The following CACNA1C variants were observed in gnomAD, a reference collection of about 807,000 sequenced individuals.
CACNA1C encodes the protein calcium voltage-gated channel subunit alpha1 C.
CACNA1C carries 30 observed loss-of-function variants against 229.0 expected under a neutral mutation model. That is an observed-to-expected ratio of 0.13 (90% CI 0.10 to 0.18). The LOEUF (loss-of-function observed/expected upper bound fraction) is 0.18. CACNA1C is among the 10% of genes least tolerant of loss of function. The pLI, the probability that CACNA1C is intolerant of heterozygous loss-of-function variation, is 1.00. For synonymous variants in CACNA1C, 1,114 were observed against 1,132.5 expected (o/e 0.98, Z 0.33); for missense variants, 1,658 against 2,845.0 (o/e 0.58, Z 9.49).
chr12:2,084,554 G>A (rs181431076), intron 1 of CACNA1C, among the ~76,000 whole-genome samples: 306 of 151,976 alleles, frequency 2.0e-3, no homozygotes, highest in African/African-American at 7.3e-3. Flanking sequence ...TCTCCCTCTT[G>A]CCCCACCTCT....
chr12:1,993,472 T>A (rs897303913), intron 1 of CACNA1C: 195 of 1,526,154 alleles, frequency 1.3e-4, no homozygotes, highest in Non-Finnish European at 1.7e-4. Context: ...TACATTCTGA[T>A]GTGTCTCTCA....
At chr12:2,018,461 ACTAGTACAAGCTGGCTC>A (rs1412024714) in intron 1 of CACNA1C, among the ~76,000 whole-genome samples, 2 of 152,084 alleles carry the variant, frequency 1.3e-5, no homozygotes, top group African/African-American at 4.8e-5. Context: ...TCTCTCACAA[ACTAGTACAAGCTGGCTC>A]CAGTACACCA....
At chr12:2,648,152 A>C (rs942226363) in intron 30 of CACNA1C, among the ~76,000 whole-genome samples, 2 of 152,026 alleles carry the variant, frequency 1.3e-5, no homozygotes. Context: ...AACCAAACCA[A>C]ACAAAAAAAT....
At chr12:2,161,295 CG>C (rs1260067893) in intron 3 of CACNA1C, among the ~76,000 whole-genome samples, 1 of 151,680 alleles carries the variant, frequency 6.6e-6, no homozygotes, top group Non-Finnish European at 1.5e-5. Flanking sequence ...AGGGGAGAGA[CG>C]GGGGCACTGC....
intron 3 of CACNA1C, among the ~76,000 whole-genome samples, chr12:2,352,486 C>T (rs2097231243): frequency 6.6e-6 from 1 of 152,220 alleles, no homozygotes; most frequent in Non-Finnish European, 1.5e-5. Flanking sequence ...CAGGTGAATT[C>T]TGTGTCGCTG....
In CACNA1C at chr12:2,653,912, C is replaced by T. The variant is rs771443449; in HGVS notation, c.4140+12C>T. The T allele has an allele frequency of 1.9e-6, 3 of 1,612,156 alleles. No individual in the cohort carries two copies. Among genetic ancestry groups the T allele is most frequent in the African/African-American group, 2.7e-5 (2 of 74,858 alleles). On this transcript the variant is annotated intron_variant, in intron 33 of 46. Coordinates refer to ENST00000399655, the MANE Select transcript of CACNA1C (RefSeq NM_000719.7). The surrounding 1 kb of genome is among the most constrained non-coding windows in gnomAD (Gnocchi z 4.7). ...TGATCGGGATGCAGGTAGGGAGGCT[C>T]CCACCACGGGGCTCCTGGCCTCCCG...
intron 3 of CACNA1C, among the ~76,000 whole-genome samples, chr12:2,126,087 T>C (rs1429592707): frequency 6.6e-6 from 1 of 152,260 alleles, no homozygotes; most frequent in African/African-American, 2.4e-5. Flanking sequence ...TGCTTTCTTC[T>C]GTTTCCAAGA....
intron 5 of CACNA1C, among the ~76,000 whole-genome samples, chr12:2,469,576 A>C (rs989222467): frequency 6.6e-5 from 10 of 152,188 alleles, no homozygotes; most frequent in African/African-American, 1.9e-4. Flanking sequence ...TTCCAGTTCT[A>C]AGCTGGGATA....
At chr12:2,462,910 A>ATT (rs147569410) in intron 5 of CACNA1C, among the ~76,000 whole-genome samples, 1,466 of 120,950 alleles carry the variant, frequency 0.012, 48 homozygotes, top group African/African-American at 0.037. Flanking sequence ...CAAAAGTTGC[A>ATT]TTTTTTTTTT....
At chr12:2,510,568 A>T (rs986905720) in intron 8 of CACNA1C, among the ~76,000 whole-genome samples, 1 of 152,156 alleles carries the variant, frequency 6.6e-6, no homozygotes, top group Non-Finnish European at 1.5e-5. Context: ...GCTTCATTCC[A>T]TGGGACTGTT....
chr12:2,330,416 T>C (rs59305886), intron 3 of CACNA1C, among the ~76,000 whole-genome samples: 18,071 of 152,248 alleles, frequency 0.12, 2,872 homozygotes, highest in African/African-American at 0.36. Flanking sequence ...TAAGATTTAT[T>C]GAGTTCCTCC....
At chr12:2,424,143 C>T (rs1322433014) in intron 3 of CACNA1C, among the ~76,000 whole-genome samples, 1 of 152,258 alleles carries the variant, frequency 6.6e-6, no homozygotes, top group Non-Finnish European at 1.5e-5. Flanking sequence ...GCGCCACAAG[C>T]TGAGGCTAAC....
At chr12:2,641,033 C>A (rs1255121752) in intron 30 of CACNA1C, among the ~76,000 whole-genome samples, 2 of 152,212 alleles carry the variant, frequency 1.3e-5, no homozygotes, top group Middle Eastern at 3.2e-3. Context: ...TGCCCCCTGC[C>A]ATGGCAGAGA....
Position 2,493,424 on chromosome 12 carries a change from C to T in CACNA1C, c.1113+38C>T, listed in dbSNP as rs370338189. On this transcript the variant is annotated intron_variant, in intron 7 of 46. Coordinates refer to ENST00000399655, the MANE Select transcript of CACNA1C (RefSeq NM_000719.7). This position sits in a 1 kb window ranked among gnomAD's most constrained non-coding sequence, Gnocchi z 4.6. ...AGTGGGCAGTCAGAGGGTGGGGGAACAGCGGCCGTGAACCCTTCCCTGACA... is the reference window on the plus strand; with the variant it reads ...AGTGGGCAGTCAGAGGGTGGGGGAATAGCGGCCGTGAACCCTTCCCTGACA... The T allele has an allele frequency of 3.3e-6, 5 of 1,533,864 alleles. No homozygotes were observed. The highest frequency in any genetic ancestry group is 4.5e-6 in the Non-Finnish European group (5 of 1,108,632).
chr12:2,628,049 T>G (rs1039611126), intron 29 of CACNA1C, among the ~76,000 whole-genome samples: 2 of 152,186 alleles, frequency 1.3e-5, no homozygotes, highest in African/African-American at 4.8e-5. Flanking sequence ...TCCAAATGCC[T>G]AAGACTGACA....
At chr12:2,100,466 CAAAAAAAAAAAAACA>C (rs2075870261) in intron 1 of CACNA1C, among the ~76,000 whole-genome samples, 1 of 42,466 alleles carries the variant, frequency 2.4e-5, no homozygotes, top group African/African-American at 7.8e-5. Flanking sequence ...GACTCCATCT[CAAAAAAAAAAAAACA>C]AAAAAAAAAA....
intron 3 of CACNA1C, among the ~76,000 whole-genome samples, chr12:2,364,063 A>G (rs1056051307): frequency 6.6e-6 from 1 of 152,160 alleles, no homozygotes; most frequent in Non-Finnish European, 1.5e-5. Context: ...AGGACAGCCT[A>G]ACTCATCAGT....
At chr12:2,199,383 G>A (rs1168442930) in intron 3 of CACNA1C, among the ~76,000 whole-genome samples, 1 of 152,138 alleles carries the variant, frequency 6.6e-6, no homozygotes, top group African/African-American at 2.4e-5. Context: ...CGATGAGGGT[G>A]AAAACCTTTA....
At chr12:2,036,018 C>T (rs1050117537) in intron 1 of CACNA1C, among the ~76,000 whole-genome samples, 2 of 152,174 alleles carry the variant, frequency 1.3e-5, no homozygotes, top group East Asian at 1.9e-4. Context: ...TCTTGTAACA[C>T]CTTCTTTGGG....
Sources: gnomAD v4.1 joint callset for allele counts (sites outside exome capture counted in the v4.1 genomes callset) on GRCh38, gnomAD v4.1.1 for gene constraint, Gnocchi (gnomAD v3.1) non-coding constraint, MANE v1.5 for transcripts, NCBI Gene and HGNC (gene_info 2026-07-23, HGNC 2026-07-21) for gene names.